RBFOX2: variants seen among roughly 807,000 people sequenced by gnomAD.
RBFOX2 encodes the protein RNA binding fox-1 homolog 2, also known as RNA binding protein fox-1 homolog 2.
RBFOX2 carries 10 observed loss-of-function variants against 49.1 expected under a neutral mutation model. The ratio of observed to expected loss-of-function variants is 0.20; its 90% confidence interval spans 0.13 to 0.35. The LOEUF (loss-of-function observed/expected upper bound fraction) is 0.35, where lower values mean the gene tolerates loss of function less well. Among genes scored for constraint, RBFOX2 ranks in the 10% least tolerant of loss-of-function variants. The pLI, the probability that RBFOX2 is intolerant of heterozygous loss-of-function variation, is 1.00. For synonymous variants in RBFOX2, 183 were observed against 187.4 expected (o/e 0.98, Z 0.19); for missense variants, 323 against 486.9 (o/e 0.66, Z 3.17).
intron 1 of RBFOX2, among the ~76,000 whole-genome samples, chr22:35,908,208 CT>C (rs2049343544): frequency 6.6e-6 from 1 of 152,258 alleles, no homozygotes; most frequent in Middle Eastern, 3.4e-3. Flanking sequence ...GTTTCTTCAC[CT>C]GCAAAATGGA....
chr22:35,985,254 C>T (rs150778927), intron 1 of RBFOX2, among the ~76,000 whole-genome samples: 4 of 152,190 alleles, frequency 2.6e-5, no homozygotes, highest in South Asian at 2.1e-4. Flanking sequence ...TAGAAATAAT[C>T]GTAATCAACT....
chr22:35,996,138 C>T (rs1204576808), intron 1 of RBFOX2: 1 of 152,180 alleles, frequency 6.6e-6, no homozygotes, highest in Admixed American at 6.5e-5. Context: ...TGAAAAGTTT[C>T]TTCTCCCTTC....
intron 1 of RBFOX2, chr22:35,992,329 T>G (rs2058018939): frequency 6.6e-6 from 1 of 151,876 alleles, no homozygotes; most frequent in South Asian, 2.1e-4. Context: ...AAGTAACAAT[T>G]CGAAACTATG....
At chr22:35,846,203 AAAC>A (rs2041170856) in intron 1 of RBFOX2, among the ~76,000 whole-genome samples, 1 of 149,734 alleles carries the variant, frequency 6.7e-6, no homozygotes, top group Admixed American at 6.7e-5. Flanking sequence ...ATAATTACAT[AAAC>A]TATATAAGTA....
chr22:35,938,201 C>T (rs2053315092), intron 1 of RBFOX2, among the ~76,000 whole-genome samples: 1 of 152,204 alleles, frequency 6.6e-6, no homozygotes, highest in African/African-American at 2.4e-5. Flanking sequence ...TCTATCCTAA[C>T]TCTGTTTCAA....
At chr22:35,972,976 C>G (rs527829668) in intron 1 of RBFOX2, among the ~76,000 whole-genome samples, 1 of 152,256 alleles carries the variant, frequency 6.6e-6, no homozygotes, top group South Asian at 2.1e-4. Context: ...GTCCTTTGTG[C>G]TCAGTTTTAA....
chr22:35,783,558 T>C (rs957759227), intron 2 of RBFOX2, among the ~76,000 whole-genome samples: 7 of 151,714 alleles, frequency 4.6e-5, no homozygotes, highest in Non-Finnish European at 1.0e-4. Context: ...GGGCACAGCG[T>C]GGAGGGGGTG....
chr22:36,013,878 GGA>G (rs2146415048), intron 1 of RBFOX2, among the ~76,000 whole-genome samples: 1 of 152,214 alleles, frequency 6.6e-6, no homozygotes, highest in Non-Finnish European at 1.5e-5. Context: ...GAAATGAAAA[GGA>G]GACATTTCAT....
At chr22:35,863,228 A>G (rs1012071889) in intron 1 of RBFOX2, among the ~76,000 whole-genome samples, 2 of 152,156 alleles carry the variant, frequency 1.3e-5, no homozygotes, top group Non-Finnish European at 2.9e-5. Flanking sequence ...ATTTTGTAAC[A>G]TATTTATGTT....
intron 1 of RBFOX2, among the ~76,000 whole-genome samples, chr22:36,025,085 G>A (rs915140068): frequency 6.6e-6 from 1 of 152,216 alleles, no homozygotes; most frequent in Non-Finnish European, 1.5e-5. Flanking sequence ...TGGGATTACA[G>A]GCGTGAGCCA....
chr22:35,913,050 CA>C (rs1288209817), intron 1 of RBFOX2, among the ~76,000 whole-genome samples: 1 of 152,150 alleles, frequency 6.6e-6, no homozygotes, highest in African/African-American at 2.4e-5. Context: ...TAGCCCACAA[CA>C]AATGACAGAA....
At position 35,756,164 on chromosome 22, in the gene RBFOX2, A is replaced by G. The variant is rs772519136; in HGVS notation, c.887+3724T>C. 3 of 1,488,740 alleles carry G rather than the reference A, an allele frequency of 2.0e-6. No homozygotes were observed. Among genetic ancestry groups the G allele is most frequent in the African/African-American group, 2.8e-5 (2 of 70,492 alleles). 92.2% of individuals were successfully genotyped at this position (1,488,740 alleles called of 1,614,324 possible). A position where few individuals can be genotyped will look rare whatever the true frequency, so the allele number is the denominator to read the frequency against. On this transcript the variant is annotated intron_variant, in intron 9 of 11. Transcript: ENST00000405409. Reference sequence around the variant, plus strand: ...ACCACACTGCAGAAAATCCACACAAAAACAAAAACAAAAAAAACAAAAGAA... The same window carrying G: ...ACCACACTGCAGAAAATCCACACAAGAACAAAAACAAAAAAAACAAAAGAA...
intron 9 of RBFOX2, chr22:35,750,312 T>C (rs1934422528): frequency 9.4e-6 from 6 of 635,854 alleles, no homozygotes; most frequent in Admixed American, 5.6e-5. Flanking sequence ...TTTGGAGATA[T>C]GAAGTCATGA....
chr22:35,939,211 A>G, upstream of RBFOX2: 1 of 533,702 alleles, frequency 1.9e-6, no homozygotes, highest in South Asian at 1.5e-5. Flanking sequence ...TCCTAACTTC[A>G]TCATACACTG....
rs2059547943 is a variant in RBFOX2, at chr22:36,028,791, C to T, written c.-366G>A. Among the ~76,000 whole-genome samples the T allele has an allele frequency of 6.6e-6, 1 of 151,968 alleles. No individual in the cohort carries two copies. Among genetic ancestry groups the T allele is most frequent in the Admixed American group, 6.5e-5 (1 of 15,272 alleles). On this transcript the variant is annotated 5_prime_UTR_variant, in exon 1 of 14. It adds an upstream start codon to the 5' untranslated region. Coordinates refer to the RBFOX2 transcript ENST00000438146. ...CCGCGCTGGCTCACACTCTCCCTCA[C>T]AGCACGCCGGCCGAGGGAGGAAGGG...
At chr22:36,008,492 C>T (rs1303867429) in intron 1 of RBFOX2, among the ~76,000 whole-genome samples, 2 of 152,096 alleles carry the variant, frequency 1.3e-5, no homozygotes, top group African/African-American at 4.8e-5. Context: ...TGGATTGATT[C>T]TGATCTAAAA....
At chr22:35,799,624 A>C (rs999752358) in intron 2 of RBFOX2, among the ~76,000 whole-genome samples, 1 of 152,170 alleles carries the variant, frequency 6.6e-6, no homozygotes, top group African/African-American at 2.4e-5. Flanking sequence ...AATAGGGACA[A>C]CTGATCTTAA....
At chr22:35,970,822 C>G (rs185959639) in intron 1 of RBFOX2, among the ~76,000 whole-genome samples, 94 of 152,272 alleles carry the variant, frequency 6.2e-4, no homozygotes, top group African/African-American at 2.2e-3. Flanking sequence ...ATTTACGCAA[C>G]AACATCAGTA....
At chr22:35,761,174 C>T in intron 8 of RBFOX2, 28 bp downstream of exon 9, 1 of 1,593,684 alleles carries the variant, frequency 6.3e-7, no homozygotes, top group Non-Finnish European at 8.6e-7. Flanking sequence ...CAGTCAAAAT[C>T]CATGCCAGGC....
Sources: allele counts gnomAD v4.1 joint callset (sites outside exome capture counted in the v4.1 genomes callset), GRCh38; gene constraint gnomAD v4.1.1; transcripts MANE v1.5; gene names NCBI Gene and HGNC (gene_info 2026-07-23, HGNC 2026-07-21).